Variants in TMEM62 observed in about 807,000 individuals in gnomAD.
TMEM62 encodes the protein transmembrane protein 62.
In TMEM62, 41 loss-of-function variants were observed where a neutral mutation model predicts 70.4. The ratio of observed to expected loss-of-function variants is 0.58; its 90% CI spans 0.45 to 0.76. The LOEUF (loss-of-function observed/expected upper bound fraction) is 0.76. TMEM62 is among the 30% of genes least tolerant of loss of function. The probability of loss-of-function intolerance (pLI) is 0.00; values close to 1 mark genes in which losing one functional copy is unlikely to be tolerated. For synonymous variants in TMEM62, 268 were observed against 291.0 expected (o/e 0.92, Z 0.80); for missense variants, 688 against 788.5 (o/e 0.87, Z 1.53).
At chr15:43,151,483 G>A in intron 7 of TMEM62, among the ~76,000 whole-genome samples, 1 of 152,062 alleles carries the variant, frequency 6.6e-6, no homozygotes. Context: ...TTGTCTTAAA[G>A]TACAGGGATA....
intron 9 of TMEM62, among the ~76,000 whole-genome samples, chr15:43,157,169 C>T (rs564493602): frequency 3.7e-4 from 57 of 152,082 alleles, no homozygotes; most frequent in Non-Finnish European, 2.9e-5. Context: ...AGCAACTAGA[C>T]CTTTAGATCA....
intron 8 of TMEM62, 90 bp from the exon 9 acceptor site, chr15:43,154,582 G>C (rs557575611): frequency 1.7e-6 from 2 of 1,171,376 alleles, no homozygotes; most frequent in African/African-American, 1.5e-5. Flanking sequence ...GCCTATACGT[G>C]TATATCTGCA....
rs1434406328 is a variant in TMEM62 at position 43,185,118 on chromosome 15, A to G, written c.*532A>G. ...GTCGGAAGTGTTTTCAACTAATCAA[A>G]TAAATGAATGAATGATGAATAAGAA... On this transcript the variant is annotated 3_prime_UTR_variant, in exon 14 of 14. Coordinates refer to ENST00000260403, the MANE Select transcript of TMEM62 (RefSeq NM_024956.4). 6.5e-6 allele frequency: 2 copies of G among 309,360 alleles called. No individual in the cohort carries two copies. The highest frequency in any genetic ancestry group is 1.7e-4 in the East Asian group (2 of 12,006). 19.2% of individuals were successfully genotyped at this position (309,360 alleles called of 1,614,324 possible). A position where few individuals can be genotyped will look rare whatever the true frequency, so the allele number is the denominator to read the frequency against.
intron 10 of TMEM62, 23 bp downstream of exon 10, chr15:43,160,817 T>A: frequency 7.3e-7 from 1 of 1,376,374 alleles, no homozygotes; most frequent in Non-Finnish European, 1.0e-6. Context: ...AATTAAATAT[T>A]ACATATGTTA....
rs183599043 is a variant in TMEM62, at chr15:43,165,029, C to T, written c.1296+4235C>T. On this transcript the variant is annotated intron_variant, in intron 10 of 13. Coordinates refer to ENST00000260403, the MANE Select transcript of TMEM62 (RefSeq NM_024956.4). ...CTTTGGGAATTTGGTTAATAAATGC[C>T]GTTAGGTAGTCTTATTTGGGTTAAA... Among the ~76,000 whole-genome samples the T allele has an allele frequency of 1.4e-3, 207 of 152,064 alleles. 2 individuals are homozygous for T. Among genetic ancestry groups the T allele is most frequent in the Non-Finnish European group, 2.2e-3 (149 of 67,998 alleles).
At position 43,133,752 on chromosome 15, in the gene TMEM62, G is replaced by A; in HGVS notation, c.-51G>A. 3.2e-6 allele frequency: 4 copies of A among 1,255,720 alleles called. No individual in the cohort carries two copies. Among genetic ancestry groups the A allele is most frequent in the Non-Finnish European group, 4.0e-6 (4 of 990,928 alleles). 77.8% of individuals were successfully genotyped at this position (1,255,720 alleles called of 1,614,324 possible). A position where few individuals can be genotyped will look rare whatever the true frequency, so the allele number is the denominator to read the frequency against. ...AGGCAAAGCGGCTCCCGGGAGCGCC[G>A]CGCGGTCCTGCGCGGGATCAGCGAG... On this transcript the variant is annotated 5_prime_UTR_variant, in exon 1 of 14. Coordinates refer to ENST00000260403, the MANE Select transcript of TMEM62 (RefSeq NM_024956.4).
intron 11 of TMEM62, among the ~76,000 whole-genome samples, chr15:43,172,720 A>G (rs2040323363): frequency 6.6e-6 from 1 of 152,224 alleles, no homozygotes; most frequent in Non-Finnish European, 1.5e-5. Context: ...GTATTTTATG[A>G]AAGATTTACT....
At chr15:43,141,369 A>G (rs1212083834) in intron 4 of TMEM62, among the ~76,000 whole-genome samples, 1 of 152,224 alleles carries the variant, frequency 6.6e-6, no homozygotes, top group Non-Finnish European at 1.5e-5. Flanking sequence ...TGTTCTATAT[A>G]TGGAACAACA....
chr15:43,168,005 T>G (rs2039732353), intron 10 of TMEM62, among the ~76,000 whole-genome samples: 1 of 151,720 alleles, frequency 6.6e-6, no homozygotes, highest in Non-Finnish European at 1.5e-5. Context: ...ACGCCTGCAA[T>G]CGCAGGCACT....
chr15:43,156,731 T>C (rs1352350701), intron 9 of TMEM62, among the ~76,000 whole-genome samples: 1 of 152,194 alleles, frequency 6.6e-6, no homozygotes, highest in Non-Finnish European at 1.5e-5. Flanking sequence ...TAACATTTCT[T>C]ACAATGGTAT....
intron 11 of TMEM62, among the ~76,000 whole-genome samples, chr15:43,170,778 G>A (rs971323956): frequency 6.6e-6 from 1 of 152,182 alleles, no homozygotes; most frequent in Non-Finnish European, 1.5e-5. Context: ...CATAGGAAGA[G>A]CATGCATCCA....
intron 11 of TMEM62, among the ~76,000 whole-genome samples, chr15:43,173,980 C>T (rs2040477054): frequency 6.6e-6 from 1 of 151,678 alleles, no homozygotes; most frequent in African/African-American, 2.4e-5. Context: ...TTGCCTCAGC[C>T]TCCCAAGTAG....
At chr15:43,139,302 C>A in intron 4 of TMEM62, among the ~76,000 whole-genome samples, 1 of 152,190 alleles carries the variant, frequency 6.6e-6, no homozygotes, top group South Asian at 2.1e-4. Flanking sequence ...CTGCACCAAT[C>A]AGCTGTTCTC....
intron 10 of TMEM62, among the ~76,000 whole-genome samples, chr15:43,165,447 T>C (rs2039279248): frequency 6.6e-6 from 1 of 152,168 alleles, no homozygotes; most frequent in African/African-American, 2.4e-5. Context: ...ATTTCTGTGA[T>C]AGGAGGCTGG....
chr15:43,142,573 A>G (rs1056984436), intron 4 of TMEM62, among the ~76,000 whole-genome samples: 2 of 152,126 alleles, frequency 1.3e-5, no homozygotes, highest in African/African-American at 4.8e-5. Context: ...GTCAGCAGCC[A>G]CCAACGTCAA....
rs746629059 is a variant in TMEM62 at position 43,169,599 on chromosome 15, G to C, written c.1303G>C (p.Val435Leu). The change falls in exon 11 of 14, where the codon GTC (valine) becomes CTC (leucine). Residue 435 changes from valine (V) to leucine (L), a missense_variant. By Grantham distance (32) the Val-to-Leu change is conservative. Coordinates refer to ENST00000260403, the MANE Select transcript of TMEM62 (RefSeq NM_024956.4). The stretch of plus-strand genomic sequence containing the variant: ...AACATCTATTTCCCTGCAGGCCCGG[G>C]TCCTTTTTGTGCTGATTGTGCTGAG... The part of the protein sequence containing the change: ...LRTDHYIMAR[V>L]LFVLIVLSQL... 1 of 1,613,788 alleles carries C rather than the reference G, an allele frequency of 6.2e-7. No individual in the cohort carries two copies. The highest frequency in any genetic ancestry group is 1.1e-5 in the South Asian group (1 of 91,032).
In TMEM62 at chr15:43,156,752, T is replaced by G. The variant is rs377678133; in HGVS notation, c.1182+1921T>G. Among the ~76,000 whole-genome samples the G allele has an allele frequency of 1.6e-4, 25 of 152,300 alleles. 1 individual carries two copies. The South Asian group carries it at 5.2e-3, about 32-fold the overall frequency. Reference sequence around the variant, plus strand: ...TTCTTACAATGGTATCAAGGTATAATTTATACATAATAACATAATAAACCC... The same window carrying G: ...TTCTTACAATGGTATCAAGGTATAAGTTATACATAATAACATAATAAACCC... On this transcript the variant is annotated intron_variant, in intron 9 of 13. Transcript: ENST00000260403.
intron 9 of TMEM62, 130 bp downstream of exon 9, chr15:43,154,961 C>T: frequency 1.2e-6 from 1 of 811,758 alleles, no homozygotes; most frequent in Non-Finnish European, 1.8e-6. Flanking sequence ...GGCATGGTGG[C>T]TCACGCCTGT....
intron 10 of TMEM62, among the ~76,000 whole-genome samples, chr15:43,167,028 C>G (rs902434446): frequency 1.3e-5 from 2 of 152,202 alleles, no homozygotes; most frequent in African/African-American, 4.8e-5. Context: ...GTCATCATGG[C>G]CCGTTCTCAA....
Sources: gnomAD v4.1 joint callset for allele counts (sites outside exome capture counted in the v4.1 genomes callset) on GRCh38, gnomAD v4.1.1 for gene constraint, MANE v1.5 for transcripts, NCBI Gene and HGNC (gene_info 2026-07-23, HGNC 2026-07-21) for gene names.